Variants in LRRC53 observed in about 807,000 individuals in gnomAD.
LRRC53 encodes leucine rich repeat containing 53, also known as leucine-rich repeat-containing protein 53.
LRRC53 carries 25 observed loss-of-function variants against 13.6 expected under a neutral mutation model. That is an observed-to-expected ratio of 1.83 (90% CI 1.34 to 2.56). The LOEUF is 2.56. LRRC53 is among the 30% of genes most tolerant of loss of function. The pLI is 0.00. For synonymous variants in LRRC53, 204 were observed against 109.8 expected, an observed-to-expected ratio of 1.86 and a Z score of -5.37; for missense variants, 527 against 275.8, an observed-to-expected ratio of 1.91 and a Z score of -6.45.
chr1:74,534,376 A>G, the LRRC53 span, among the ~76,000 whole-genome samples: 2 of 152,178 alleles, frequency 1.3e-5, no homozygotes, highest in African/African-American at 4.8e-5. Flanking sequence ...TTGGAATGCA[A>G]TTCAGTCAGA....
Position 74,470,799 on chromosome 1 carries a change from G to A in LRRC53, c.2823C>T (p.Asn941=). 3 of 400,584 alleles carry A rather than the reference G, an allele frequency of 7.5e-6. No homozygotes were observed. The East Asian group carries it at 1.1e-4, about 14-fold the overall frequency. The allele number at this position is 400,584 out of a possible 1,614,324, so 24.8% of individuals were successfully genotyped here. Residue 941 remains asparagine (N), a synonymous_variant, in exon 5 of 5, where the codon AAC becomes AAT. Transcript: ENST00000294635. ...CATTTTGGTCTAAAGTGTATTCCTT[G>A]TTGTAGCTGTCAGTCTTGTGAGCAT... The part of the protein sequence containing the change: ...LLDAHKTDSY[N]KEYTLDQNEA...
upstream of LRRC53, among the ~76,000 whole-genome samples, chr1:74,516,902 G>A (rs1229427778): frequency 6.6e-6 from 1 of 152,038 alleles, no homozygotes; most frequent in Non-Finnish European, 1.5e-5. Context: ...ATCAACAATT[G>A]TTAACTACAT....
chr1:74,478,926 T>G (rs1232626090), intron 3 of LRRC53, among the ~76,000 whole-genome samples: 1 of 152,154 alleles, frequency 6.6e-6, no homozygotes. Flanking sequence ...AGAATTTATT[T>G]TCCTAACATT....
At chr1:74,491,081 T>G (rs1669048421) in intron 1 of LRRC53, among the ~76,000 whole-genome samples, 2 of 152,174 alleles carry the variant, frequency 1.3e-5, no homozygotes, top group South Asian at 2.1e-4. Flanking sequence ...AAGGAATAAT[T>G]AAAACTGGGA....
chr1:74,486,233 G>GAGAGAGAGAGAGAGAGAGAGAGAGAGA (rs200856016), intron 1 of LRRC53, among the ~76,000 whole-genome samples: 4 of 150,206 alleles, frequency 2.7e-5, no homozygotes, highest in African/African-American at 9.9e-5. Context: ...GAGAGAGAGA[G>GAGAGAGAGAGAGAGAGAGAGAGAGAGA]GTGGGAAATA....
the LRRC53 span, among the ~76,000 whole-genome samples, chr1:74,525,375 AG>A: frequency 6.6e-6 from 1 of 152,208 alleles, no homozygotes; most frequent in African/African-American, 2.4e-5. Context: ...TGTGAGGCAC[AG>A]GAAGGTAAAA....
the LRRC53 span, among the ~76,000 whole-genome samples, chr1:74,523,959 T>TTCCA: frequency 1.3e-5 from 2 of 151,790 alleles, no homozygotes; most frequent in East Asian, 3.9e-4. Flanking sequence ...GTGTGTGATA[T>TTCCA]TCCACTCCCT....
chr1:74,499,748 T>C (rs1669514403), intron 1 of LRRC53, among the ~76,000 whole-genome samples: 1 of 152,148 alleles, frequency 6.6e-6, no homozygotes. Flanking sequence ...AGATCTGACA[T>C]CTTTATAATA....
chr1:74,522,384 C>T, the LRRC53 span, among the ~76,000 whole-genome samples: 1 of 152,108 alleles, frequency 6.6e-6, no homozygotes, highest in Admixed American at 6.6e-5. Flanking sequence ...GCTCAGATTA[C>T]CCGTTCCCTA....
chr1:74,527,674 T>C, the LRRC53 span, among the ~76,000 whole-genome samples: 1 of 152,146 alleles, frequency 6.6e-6, no homozygotes, highest in Non-Finnish European at 1.5e-5. Context: ...TCTACATGTG[T>C]TGGGCAGCCA....
Position 74,489,316 on chromosome 1 carries a change from T to C in LRRC53, c.-26-5941A>G, listed in dbSNP as rs578048159. The C allele has an allele frequency of 6.1e-5, 92 of 1,518,450 alleles. No individual in the cohort carries two copies. In the African/African-American group the frequency reaches 1.1e-3, roughly 18 times the overall value. The allele number at this position is 1,518,450 out of a possible 1,614,324, so 94.1% of individuals were successfully genotyped here. On this transcript the variant is annotated intron_variant, in intron 1 of 4. Coordinates refer to ENST00000294635, the MANE Select transcript of LRRC53 (RefSeq NM_001382280.1). The stretch of plus-strand genomic sequence containing the variant: ...GCATATCCAAGGCTGTCAGGGAATG[T>C]AGATGAGCTGGTGCTTATGAAAAGT...
At chr1:74,524,858 C>T in the LRRC53 span, among the ~76,000 whole-genome samples, 1 of 152,162 alleles carries the variant, frequency 6.6e-6, no homozygotes, top group East Asian at 1.9e-4. Context: ...AGATGCATGC[C>T]ACTGCAGGGG....
At chr1:74,498,805 A>G (rs1388177216) in intron 1 of LRRC53, among the ~76,000 whole-genome samples, 1 of 152,156 alleles carries the variant, frequency 6.6e-6, no homozygotes, top group Admixed American at 6.5e-5. Flanking sequence ...GGTGACTAAG[A>G]TGTGTGAGGA....
chr1:74,494,060 C>A (rs1290600699), intron 1 of LRRC53, among the ~76,000 whole-genome samples: 1 of 152,008 alleles, frequency 6.6e-6, no homozygotes, highest in Admixed American at 6.6e-5. Flanking sequence ...TCATAGATAC[C>A]CTGAAGAGTG....
chr1:74,507,409 T>C (rs1669963635), intron 1 of LRRC53, among the ~76,000 whole-genome samples: 1 of 152,194 alleles, frequency 6.6e-6, no homozygotes, highest in Admixed American at 6.5e-5. Flanking sequence ...ATTATTGATG[T>C]CTTTGTATGT....
At chr1:74,487,441 G>C (rs1668823290) in intron 1 of LRRC53, among the ~76,000 whole-genome samples, 1 of 152,176 alleles carries the variant, frequency 6.6e-6, no homozygotes, top group Non-Finnish European at 1.5e-5. Flanking sequence ...TAGGCTCTCT[G>C]AATAGTACTG....
At chr1:74,530,005 C>T in the LRRC53 span, among the ~76,000 whole-genome samples, 1 of 152,078 alleles carries the variant, frequency 6.6e-6, no homozygotes, top group African/African-American at 2.4e-5. Flanking sequence ...TAATCTGTCA[C>T]CCAGCCTGGA....
the LRRC53 span, among the ~76,000 whole-genome samples, chr1:74,530,129 G>A: frequency 2.1e-4 from 32 of 152,204 alleles, no homozygotes; most frequent in Non-Finnish European, 4.1e-4. Context: ...TGTGCCAGCC[G>A]TTAGGTGTCT....
At chr1:74,530,814 A>G in the LRRC53 span, among the ~76,000 whole-genome samples, 1 of 151,994 alleles carries the variant, frequency 6.6e-6, no homozygotes, top group East Asian at 1.9e-4. Flanking sequence ...TTAGCAGTCA[A>G]GGCATGCAAA....
Sources: gnomAD v4.1 joint callset for allele counts (sites outside exome capture counted in the v4.1 genomes callset) on GRCh38, gnomAD v4.1.1 for gene constraint, MANE v1.5 for transcripts, NCBI Gene and HGNC (gene_info 2026-07-23, HGNC 2026-07-21) for gene names.